RCOR3: variants seen among roughly 807,000 people sequenced by gnomAD.
The protein encoded by RCOR3 is REST corepressor 3.
Under a neutral mutation model 64.1 loss-of-function variants are expected in RCOR3, and 13 were observed. The ratio of observed to expected loss-of-function variants is 0.20; its 90% CI spans 0.13 to 0.32. The LOEUF is 0.32. RCOR3 is among the 10% of genes least tolerant of loss of function. RCOR3 has a pLI of 1.00. For missense variants in RCOR3, 489 were observed against 701.2 expected, an observed-to-expected ratio of 0.70 and a Z score of 3.42; for synonymous variants, 215 against 239.0, an observed-to-expected ratio of 0.90 and a Z score of 0.93.
intron 9 of RCOR3, among the ~76,000 whole-genome samples, chr1:211,297,749 T>C (rs572089392): frequency 2.6e-5 from 4 of 152,340 alleles, no homozygotes; most frequent in African/African-American, 7.2e-5. Flanking sequence ...GATATACTTA[T>C]ATTTGTCATA....
intron 9 of RCOR3, chr1:211,301,942 A>T (rs1700424469): frequency 6.6e-6 from 1 of 152,160 alleles, no homozygotes. Context: ...AGTGTGCCAG[A>T]TGCCTTTTTA....
chr1:211,309,702 G>GA (rs1438218896), intron 10 of RCOR3, among the ~76,000 whole-genome samples: 3 of 152,186 alleles, frequency 2.0e-5, no homozygotes, highest in Non-Finnish European at 4.4e-5. Flanking sequence ...CCCTTCCTGA[G>GA]AAAGTAATCA....
Position 211,315,673 on chromosome 1 carries a change from A to G in RCOR3, c.*1905A>G, listed in dbSNP as rs1350097811. 1 of 152,190 alleles carries G rather than the reference A, an allele frequency of 6.6e-6. No individual in the cohort carries two copies. The highest frequency in any genetic ancestry group is 1.5e-5 in the Non-Finnish European group (1 of 68,020). The allele number at this position is 152,190 out of a possible 1,614,324, so 9.4% of individuals were successfully genotyped here. A position where few individuals can be genotyped will look rare whatever the true frequency, so the allele number is the denominator to read the frequency against. ...TCTCTTGTCAGTAGACCTTCAGTAC[A>G]CAGTATGTGGGATATGTCAGTCAAG... On this transcript the variant is annotated 3_prime_UTR_variant, in exon 12 of 12. Transcript: ENST00000419091.
chr1:211,273,744 T>C (rs1323419241), intron 3 of RCOR3, among the ~76,000 whole-genome samples: 1 of 152,212 alleles, frequency 6.6e-6, no homozygotes, highest in Non-Finnish European at 1.5e-5. Flanking sequence ...GTCGTTATTA[T>C]GTATAGCTGG....
intron 9 of RCOR3, among the ~76,000 whole-genome samples, chr1:211,296,102 G>A (rs888663506): frequency 1.3e-5 from 2 of 152,236 alleles, no homozygotes; most frequent in East Asian, 3.9e-4. Flanking sequence ...TCCTGCTTGT[G>A]TGAATTGGTA....
chr1:211,286,626 ATTC>A (rs1698589133), intron 7 of RCOR3, among the ~76,000 whole-genome samples: 1 of 151,984 alleles, frequency 6.6e-6, no homozygotes, highest in South Asian at 2.1e-4. Context: ...CTATATTTCT[ATTC>A]TTATTGTATA....
At chr1:211,307,468 G>A (rs1031133944) in intron 10 of RCOR3, among the ~76,000 whole-genome samples, 4 of 114,948 alleles carry the variant, frequency 3.5e-5, no homozygotes, top group East Asian at 2.5e-4. Flanking sequence ...GCAGCAGAGC[G>A]AGACTCTGAC....
chr1:211,282,503 GTTTT>G (rs745846610), intron 7 of RCOR3, among the ~76,000 whole-genome samples: 1 of 138,082 alleles, frequency 7.2e-6, no homozygotes. Flanking sequence ...GGATATTCTT[GTTTT>G]TTTTTTTTTT....
Position 211,314,700 on chromosome 1 carries a change from G to A in RCOR3, c.*932G>A, listed in dbSNP as rs1230841901. 1 of 152,090 alleles carries A rather than the reference G, an allele frequency of 6.6e-6. No individual in the cohort carries two copies. Among genetic ancestry groups the A allele is most frequent in the Non-Finnish European group, 1.5e-5 (1 of 67,998 alleles). 9.4% of individuals were successfully genotyped at this position (152,090 alleles called of 1,614,324 possible). A position where few individuals can be genotyped will look rare whatever the true frequency, so the allele number is the denominator to read the frequency against. On this transcript the variant is annotated 3_prime_UTR_variant, in exon 12 of 12. Coordinates refer to ENST00000419091, the MANE Select transcript of RCOR3 (RefSeq NM_001136223.3). ...ATTTTGTTAGTTAAGTAGACACAGT[G>A]GTTATGGAAGCATTTCTTTACAGTA...
At chr1:211,270,774 T>G (rs1158267424) in intron 2 of RCOR3, among the ~76,000 whole-genome samples, 3 of 151,994 alleles carry the variant, frequency 2.0e-5, no homozygotes, top group Non-Finnish European at 2.9e-5. Flanking sequence ...GTAATGTAAA[T>G]CTGTTTTCCT....
At chr1:211,309,470 T>G (rs1422258051) in intron 10 of RCOR3, among the ~76,000 whole-genome samples, 2 of 152,234 alleles carry the variant, frequency 1.3e-5, no homozygotes, top group African/African-American at 4.8e-5. Flanking sequence ...AGATATCATC[T>G]GCCAGCATAG....
chr1:211,277,157 T>C (rs1020771988), intron 5 of RCOR3, among the ~76,000 whole-genome samples: 12 of 150,782 alleles, frequency 8.0e-5, no homozygotes, highest in Middle Eastern at 3.4e-3. Flanking sequence ...GTGCTGCTTT[T>C]TTTCTTTCTT....
At chr1:211,291,651 A>G (rs1232045281) in intron 8 of RCOR3, 3 of 443,792 alleles carry the variant, frequency 6.8e-6, no homozygotes, top group Non-Finnish European at 1.3e-5. Flanking sequence ...TATCTTAAAC[A>G]TGTTCAGATT....
chr1:211,267,117 A>G (rs984459084), intron 2 of RCOR3, among the ~76,000 whole-genome samples: 14 of 152,250 alleles, frequency 9.2e-5, no homozygotes, highest in Non-Finnish European at 2.1e-4. Context: ...AATGCTTACC[A>G]TATGCCACGT....
chr1:211,308,684 G>GTTTTTTTTTTTTTTTTTTTTTTTTTT (rs71585833), intron 10 of RCOR3, among the ~76,000 whole-genome samples: 3 of 42,058 alleles, frequency 7.1e-5, no homozygotes, highest in African/African-American at 1.5e-4. Flanking sequence ...TTTTTTTTTT[G>GTTTTTTTTTTTTTTTTTTTTTTTTTT]TTTTTTTTTT....
intron 1 of RCOR3, 117 bp from the exon 2 acceptor site, chr1:211,259,991 A>G: frequency 9.8e-6 from 11 of 1,128,126 alleles, no homozygotes; most frequent in Non-Finnish European, 1.2e-5. Flanking sequence ...ATATCTTCCC[A>G]TCCACCCGCC....
chr1:211,290,049 G>T (rs532638329), intron 8 of RCOR3, among the ~76,000 whole-genome samples: 2 of 152,122 alleles, frequency 1.3e-5, no homozygotes, highest in Non-Finnish European at 2.9e-5. Context: ...AGTGCCTGGC[G>T]CATATTAAGC....
intron 2 of RCOR3, among the ~76,000 whole-genome samples, chr1:211,269,605 A>G (rs562732386): frequency 1.6e-4 from 24 of 152,288 alleles, no homozygotes; most frequent in Admixed American, 3.3e-4. Context: ...CTCAAAAAAA[A>G]AAGTGGCAGC....
At chr1:211,275,110 GAAT>G (rs1476449622) in intron 4 of RCOR3, among the ~76,000 whole-genome samples, 1 of 151,632 alleles carries the variant, frequency 6.6e-6, no homozygotes, top group Non-Finnish European at 1.5e-5. Context: ...GGAAATTACA[GAAT>G]AATGAAATGA....
Sources: gnomAD v4.1 joint callset for allele counts (sites outside exome capture counted in the v4.1 genomes callset) on GRCh38, gnomAD v4.1.1 for gene constraint, MANE v1.5 for transcripts, NCBI Gene and HGNC (gene_info 2026-07-23, HGNC 2026-07-21) for gene names.